The following NR3C1 variants were observed in gnomAD, a reference collection of about 807,000 sequenced individuals.
NR3C1 encodes glucocorticoid receptor.
In NR3C1, 14 loss-of-function variants were observed where a neutral mutation model predicts 74.0. The observed-to-expected ratio is 0.19, with a 90% CI of 0.12 to 0.30. The LOEUF is 0.30. Ranked by LOEUF, NR3C1 falls within the 10% of genes least tolerant of loss-of-function variation. The pLI, the probability that NR3C1 is intolerant of heterozygous loss-of-function variation, is 1.00. For synonymous variants in NR3C1, 308 were observed against 332.5 expected (o/e 0.93, Z 0.80); for missense variants, 695 against 909.8 (o/e 0.76, Z 3.04).
At chr5:143,418,461 A>G (rs1434746862) in intron 1 of NR3C1, among the ~76,000 whole-genome samples, 3 of 151,990 alleles carry the variant, frequency 2.0e-5, no homozygotes, top group Non-Finnish European at 2.9e-5. Context: ...TTCTTTCTCA[A>G]CCCACACAGA....
chr5:143,370,034 C>G (rs968307473), intron 2 of NR3C1, among the ~76,000 whole-genome samples: 3 of 152,138 alleles, frequency 2.0e-5, no homozygotes, highest in African/African-American at 7.2e-5. Context: ...GCTAAGAATT[C>G]ATAGAAGAGC....
chr5:143,415,202 T>C (rs1169751117), intron 1 of NR3C1, among the ~76,000 whole-genome samples: 1 of 152,216 alleles, frequency 6.6e-6, no homozygotes, highest in Non-Finnish European at 1.5e-5. Context: ...ACTATTTTTT[T>C]CTTTTTATAT....
upstream of NR3C1, among the ~76,000 whole-genome samples, chr5:143,408,162 A>G (rs997358979): frequency 2.0e-5 from 3 of 152,194 alleles, no homozygotes; most frequent in African/African-American, 7.2e-5. Context: ...GTGTGTGTAT[A>G]AACTATACCT....
intron 1 of NR3C1, chr5:143,402,570 A>C: frequency 1.0e-6 from 1 of 983,954 alleles, no homozygotes; most frequent in Non-Finnish European, 1.2e-6. Context: ...AAGAGAAAAA[A>C]GTGCGAGGTT....
At chr5:143,408,049 CT>C (rs1841173239), upstream of NR3C1, among the ~76,000 whole-genome samples, 1 of 152,152 alleles carries the variant, frequency 6.6e-6, no homozygotes, top group Admixed American at 6.5e-5. Flanking sequence ...ACTTTTGAAA[CT>C]TTTGAAACCT....
intron 2 of NR3C1, among the ~76,000 whole-genome samples, chr5:143,335,690 T>G (rs925960476): frequency 1.3e-5 from 2 of 152,368 alleles, no homozygotes; most frequent in East Asian, 3.9e-4. Context: ...CTTCACATTT[T>G]GATAAAACTC....
At chr5:143,393,875 T>C (rs1323105190) in intron 2 of NR3C1, among the ~76,000 whole-genome samples, 3 of 152,120 alleles carry the variant, frequency 2.0e-5, no homozygotes, top group Non-Finnish European at 4.4e-5. Flanking sequence ...GCTAATTTTA[T>C]TGTAAAAAGA....
At chr5:143,366,290 C>T (rs987487085) in intron 2 of NR3C1, among the ~76,000 whole-genome samples, 2 of 152,162 alleles carry the variant, frequency 1.3e-5, no homozygotes, top group Non-Finnish European at 2.9e-5. Flanking sequence ...AGGCAGATCA[C>T]CTGAGGTCAG....
chr5:143,435,506 A>G, exon 1 of NR3C1: 1 of 985,510 alleles, frequency 1.0e-6, no homozygotes, highest in Non-Finnish European at 1.2e-6. Context: ...AAACCCTTAC[A>G]TAACCTGACC....
intron 2 of NR3C1, among the ~76,000 whole-genome samples, chr5:143,334,198 A>G (rs574675804): frequency 4.6e-5 from 7 of 152,230 alleles, no homozygotes; most frequent in South Asian, 2.1e-4. Flanking sequence ...CCTGACCAAC[A>G]TGGAGAAATG....
Position 143,400,725 on chromosome 5 carries a change from C to A in NR3C1, c.115G>T (p.Val39Leu). ...FYKTLRGGAT[V>L]KVSASSPSLA... Reference sequence around the variant, plus strand: ...GAGGGTGAAGACGCAGAAACCTTCACAGTAGCTCCTCCTCTTAGGGTTTTA... The same window carrying A: ...GAGGGTGAAGACGCAGAAACCTTCAAAGTAGCTCCTCCTCTTAGGGTTTTA... The change falls in exon 2 of 9, where the codon GTG (valine) becomes TTG (leucine). Residue 39 changes from valine (V) to leucine (L), a missense_variant. Physicochemically the swap from Val to Leu is conservative, Grantham distance 32. Transcript: ENST00000394464. 6.2e-7 allele frequency: 1 copy of A among 1,614,224 alleles called. No homozygotes were observed. Among genetic ancestry groups the A allele is most frequent in the Non-Finnish European group, 8.5e-7 (1 of 1,180,052 alleles).
intron 1 of NR3C1, among the ~76,000 whole-genome samples, chr5:143,424,056 C>CGGT (rs1751386568): frequency 6.2e-5 from 1 of 16,118 alleles, no homozygotes; most frequent in African/African-American, 2.6e-4. Flanking sequence ...ACTCTGGGGA[C>CGGT]TGTTGTGGGG....
rs559060506 is a variant in NR3C1, at chr5:143,280,947, C to T, written c.*942G>A. On this transcript the variant is annotated 3_prime_UTR_variant, in exon 9 of 9. Coordinates refer to ENST00000394464, the MANE Select transcript of NR3C1 (RefSeq NM_000176.3). Reference sequence around the variant, plus strand: ...CCATATAGCCATTGCAAAAATAGGGCGTTAGGTACAGACAGGGCCTCTTGG... The same window carrying T: ...CCATATAGCCATTGCAAAAATAGGGTGTTAGGTACAGACAGGGCCTCTTGG... The T allele has an allele frequency of 2.6e-5, 4 of 152,118 alleles. No individual in the cohort carries two copies. The highest frequency in any genetic ancestry group is 1.9e-4 in the East Asian group (1 of 5,166). The allele number at this position is 152,118 out of a possible 1,614,324, so 9.4% of individuals were successfully genotyped here. A position where few individuals can be genotyped will look rare whatever the true frequency, so the allele number is the denominator to read the frequency against.
chr5:143,401,983 G>A (rs1840366620), intron 1 of NR3C1, among the ~76,000 whole-genome samples: 1 of 152,120 alleles, frequency 6.6e-6, no homozygotes, highest in Admixed American at 6.5e-5. Flanking sequence ...AGCGCATTTG[G>A]GACACTATAG....
At chr5:143,357,161 G>T (rs1420762516) in intron 2 of NR3C1, among the ~76,000 whole-genome samples, 1 of 151,950 alleles carries the variant, frequency 6.6e-6, no homozygotes, top group Admixed American at 6.5e-5. Flanking sequence ...TATTTATAAC[G>T]TATTGCTAGT....
At chr5:143,396,992 T>C (rs1446618084) in intron 2 of NR3C1, among the ~76,000 whole-genome samples, 1 of 151,908 alleles carries the variant, frequency 6.6e-6, no homozygotes, top group Non-Finnish European at 1.5e-5. Context: ...GACTAGTTTG[T>C]TTTACTTAAA....
chr5:143,327,080 A>C (rs1403121769), intron 2 of NR3C1, among the ~76,000 whole-genome samples: 1 of 152,216 alleles, frequency 6.6e-6, no homozygotes, highest in Non-Finnish European at 1.5e-5. Context: ...TGACACTGCT[A>C]TAAAGATACT....
chr5:143,333,735 T>C (rs572294938), intron 2 of NR3C1, among the ~76,000 whole-genome samples: 24 of 152,010 alleles, frequency 1.6e-4, no homozygotes, highest in Non-Finnish European at 5.9e-5. Context: ...GCCAGTGCAC[T>C]CCAGCTGGGC....
Position 143,403,376 on chromosome 5 carries a change from C to G in NR3C1, c.-179G>C, listed in dbSNP as rs898406761. The G allele has an allele frequency of 9.1e-6, 9 of 985,456 alleles. No homozygotes were observed. In the South Asian group the frequency reaches 4.2e-4, roughly 46 times the overall value. 61.0% of individuals were successfully genotyped at this position (985,456 alleles called of 1,614,324 possible). ...TTTCTCCATGGGTGGGGGGAGAGCC[C>G]CTATTTAAGAAAGTCTCCCATTGCC... On this transcript the variant is annotated 5_prime_UTR_variant, in exon 1 of 9. Transcript: ENST00000394464.
Sources: allele counts gnomAD v4.1 joint callset (sites outside exome capture counted in the v4.1 genomes callset), GRCh38; gene constraint gnomAD v4.1.1; transcripts MANE v1.5; gene names NCBI Gene and HGNC (gene_info 2026-07-23, HGNC 2026-07-21).